The following COL23A1 variants were observed in gnomAD, a reference collection of about 807,000 sequenced individuals.
COL23A1 encodes the protein collagen type XXIII alpha 1 chain, also known as collagen alpha-1(XXIII) chain.
A neutral mutation model predicts 99.3 loss-of-function variants in COL23A1; 97 were observed. That is an observed-to-expected ratio of 0.98 (90% CI 0.83 to 1.16). The LOEUF (loss-of-function observed/expected upper bound fraction) is 1.16, where lower values mean the gene tolerates loss of function less well. Ranked by LOEUF, COL23A1 falls within the 50% of genes most tolerant of loss-of-function variation. The pLI, the probability that COL23A1 is intolerant of heterozygous loss-of-function variation, is 0.00. For synonymous variants in COL23A1, 320 were observed against 308.2 expected, an observed-to-expected ratio of 1.04 and a Z score of -0.40; for missense variants, 762 against 757.4, an observed-to-expected ratio of 1.01 and a Z score of -0.07.
At chr5:178,401,665 T>A (rs1045511646) in intron 2 of COL23A1, among the ~76,000 whole-genome samples, 3 of 152,240 alleles carry the variant, frequency 2.0e-5, no homozygotes, top group Admixed American at 2.0e-4. Context: ...TTTAGGTAAA[T>A]TGCAGAGTCA....
intron 2 of COL23A1, among the ~76,000 whole-genome samples, chr5:178,375,687 T>A (rs1472238352): frequency 1.3e-5 from 2 of 152,184 alleles, no homozygotes. Context: ...AGAAATCCAC[T>A]TGACCCATTC....
intron 11 of COL23A1, among the ~76,000 whole-genome samples, chr5:178,260,418 G>A (rs1471753174): frequency 6.6e-6 from 1 of 152,226 alleles, no homozygotes; most frequent in African/African-American, 2.4e-5. Flanking sequence ...TAAGTGAAAG[G>A]AGCCAATCTG....
chr5:178,264,805 ATTAC>A (rs1369932609), intron 8 of COL23A1, among the ~76,000 whole-genome samples: 4 of 151,916 alleles, frequency 2.6e-5, no homozygotes, highest in Non-Finnish European at 5.9e-5. Context: ...TATTATTATT[ATTAC>A]TATTATTTGT....
intron 2 of COL23A1, among the ~76,000 whole-genome samples, chr5:178,390,790 G>GATCAGACTT (rs1368762543): frequency 1.3e-5 from 2 of 152,206 alleles, no homozygotes; most frequent in East Asian, 3.8e-4. Context: ...ACTCCAGGTG[G>GATCAGACTT]ATCAGACTTA....
At chr5:178,239,628 G>A (rs1166652949) in intron 27 of COL23A1, among the ~76,000 whole-genome samples, 2 of 48,300 alleles carry the variant, frequency 4.1e-5, no homozygotes, top group African/African-American at 1.5e-4. Context: ...GCCGAGAGCC[G>A]TGTGGCTTCC....
intron 2 of COL23A1, among the ~76,000 whole-genome samples, chr5:178,510,223 C>T (rs58435095): frequency 0.016 from 2,477 of 152,320 alleles, 67 homozygotes; most frequent in African/African-American, 0.054. Flanking sequence ...CACTCACACG[C>T]TGCAGTTAAG....
At chr5:178,573,002 G>T (rs1347723370) in intron 1 of COL23A1, among the ~76,000 whole-genome samples, 2 of 152,072 alleles carry the variant, frequency 1.3e-5, no homozygotes, top group African/African-American at 4.8e-5. Flanking sequence ...AAAATGAACA[G>T]AAATCAATAG....
chr5:178,524,331 C>A (rs1263947713), intron 2 of COL23A1, among the ~76,000 whole-genome samples: 1 of 152,184 alleles, frequency 6.6e-6, no homozygotes, highest in Non-Finnish European at 1.5e-5. Flanking sequence ...TGGAAAGAGA[C>A]CCTCTCTAGT....
chr5:178,274,405 TG>T (rs1234309888), intron 5 of COL23A1, among the ~76,000 whole-genome samples: 1 of 151,572 alleles, frequency 6.6e-6, no homozygotes, highest in South Asian at 2.1e-4. Flanking sequence ...ATGCATGGGG[TG>T]GGGGGCGTGG....
At chr5:178,334,747 T>C (rs1250487709) in intron 2 of COL23A1, among the ~76,000 whole-genome samples, 1 of 152,120 alleles carries the variant, frequency 6.6e-6, no homozygotes, top group Non-Finnish European at 1.5e-5. Context: ...AAGGGACTGG[T>C]GTAGTCTGGG....
chr5:178,502,322 G>A (rs12516219), intron 2 of COL23A1, among the ~76,000 whole-genome samples: 70,102 of 150,848 alleles, frequency 0.46, 16,962 homozygotes, highest in East Asian at 0.9. Context: ...TAGTAGAGAC[G>A]GGGTTTCACC....
intron 2 of COL23A1, among the ~76,000 whole-genome samples, chr5:178,316,358 A>C (rs1426344425): frequency 6.6e-6 from 1 of 152,094 alleles, no homozygotes; most frequent in African/African-American, 2.4e-5. Flanking sequence ...GGTTGGAATG[A>C]CTCTTATTAG....
intron 2 of COL23A1, among the ~76,000 whole-genome samples, chr5:178,345,506 C>T (rs868138686): frequency 6.7e-6 from 1 of 150,216 alleles, no homozygotes; most frequent in African/African-American, 2.5e-5. Context: ...TTTCTATTTT[C>T]GTATTTGCTG....
At chr5:178,563,511 G>A (rs1484951414) in intron 1 of COL23A1, among the ~76,000 whole-genome samples, 3 of 149,158 alleles carry the variant, frequency 2.0e-5, no homozygotes, top group South Asian at 2.1e-4. Context: ...CCCTTGAGCC[G>A]GACCTCAGAA....
In COL23A1 at chr5:178,246,593, C is replaced by A; in HGVS notation, c.1297-140G>T. The A allele has an allele frequency of 3.7e-6, 3 of 810,112 alleles. No homozygotes were observed. The South Asian group carries it at 5.3e-5, about 14-fold the overall frequency. The allele number at this position is 810,112 out of a possible 1,614,324, so 50.2% of individuals were successfully genotyped here. On this transcript the variant is annotated intron_variant, in intron 22 of 28. Coordinates refer to ENST00000390654, the MANE Select transcript of COL23A1 (RefSeq NM_173465.4). Reference sequence around the variant, plus strand: ...CCCCCAGGCCTGGCCCCAGCTTACTCCCTGGTGAGGGTGATCAGGAGGAGC... The same window carrying A: ...CCCCCAGGCCTGGCCCCAGCTTACTACCTGGTGAGGGTGATCAGGAGGAGC...
At chr5:178,322,282 G>A (rs1759368769) in intron 2 of COL23A1, among the ~76,000 whole-genome samples, 1 of 152,152 alleles carries the variant, frequency 6.6e-6, no homozygotes, top group African/African-American at 2.4e-5. Flanking sequence ...GTGAGCCACC[G>A]CACCTGGCCC....
At chr5:178,481,831 C>CT (rs1366570684) in intron 2 of COL23A1, among the ~76,000 whole-genome samples, 1 of 136,610 alleles carries the variant, frequency 7.3e-6, no homozygotes, top group Non-Finnish European at 1.5e-5. Context: ...AGTGAGAACA[C>CT]TTGGACACAG....
intron 4 of COL23A1, among the ~76,000 whole-genome samples, chr5:178,288,798 G>GA (rs1757299256): frequency 6.6e-6 from 1 of 152,088 alleles, no homozygotes; most frequent in South Asian, 2.1e-4. Context: ...AGGAATATCG[G>GA]GGGGCGTTCA....
rs547940443 is a variant in COL23A1 at position 178,379,672 on chromosome 5, G to A, written c.362-72753C>T. Among the ~76,000 whole-genome samples, 15 of 152,112 alleles carry A rather than the reference G, an allele frequency of 9.9e-5. No individual in the cohort carries two copies. The East Asian group carries it at 2.5e-3, about 26-fold the overall frequency. On this transcript the variant is annotated intron_variant, in intron 2 of 28. Coordinates refer to ENST00000390654, the MANE Select transcript of COL23A1 (RefSeq NM_173465.4). The stretch of plus-strand genomic sequence containing the variant: ...CGAGGTGGGCGGATCACCGGAGGTC[G>A]GGAGTTCGAGACCAGCCTGACCAAC...
Sources: allele counts gnomAD v4.1 joint callset (sites outside exome capture counted in the v4.1 genomes callset), GRCh38; gene constraint gnomAD v4.1.1; transcripts MANE v1.5; gene names NCBI Gene and HGNC (gene_info 2026-07-23, HGNC 2026-07-21).